TCF3: variants seen among roughly 807,000 people sequenced by gnomAD.
TCF3 encodes the protein transcription factor 3, also known as transcription factor E2-alpha.
In TCF3, 54 loss-of-function variants were observed where a neutral mutation model predicts 72.3. The observed-to-expected ratio is 0.75, with a 90% CI of 0.60 to 0.94. The LOEUF is 0.94. TCF3 is among the 40% of genes least tolerant of loss of function. The pLI, the probability that TCF3 is intolerant of heterozygous loss-of-function variation, is 0.00. For missense variants in TCF3, 1,078 were observed against 934.4 expected (o/e 1.15, Z -2.00); for synonymous variants, 525 against 412.6 (o/e 1.27, Z -3.30).
At position 1,624,146 on chromosome 19, in the gene TCF3, C is replaced by A. The variant is rs192272530; in HGVS notation, c.500-146G>T. The A allele has an allele frequency of 0.01, 7,298 of 727,176 alleles. 62 individuals are homozygous for A. The highest frequency in any genetic ancestry group is 0.013 in the Non-Finnish European group (5,768 of 436,920). 45.0% of individuals were successfully genotyped at this position (727,176 alleles called of 1,614,324 possible). Reference sequence around the variant, plus strand: ...GGTGCGGTGCCTCATGCCTGTAATACCAGGACTTTGGGAGGCCAAGGCAGG... The same window carrying A: ...GGTGCGGTGCCTCATGCCTGTAATAACAGGACTTTGGGAGGCCAAGGCAGG... On this transcript the variant is annotated intron_variant, in intron 7 of 18. Transcript: ENST00000262965.
intron 3 of TCF3, among the ~76,000 whole-genome samples, chr19:1,641,224 G>A (rs2065195841): frequency 6.6e-6 from 1 of 151,432 alleles, no homozygotes. Context: ...ACAGCCAACA[G>A]CTTGGCTGGA....
In TCF3 at chr19:1,621,797, G is replaced by C. The variant is rs755212807; in HGVS notation, c.955+41C>G. 2.0e-6 allele frequency: 3 copies of C among 1,532,002 alleles called. No homozygotes were observed. In the East Asian group the frequency reaches 7.1e-5, roughly 36 times the overall value. The allele number at this position is 1,532,002 out of a possible 1,614,324, so 94.9% of individuals were successfully genotyped here. A position where few individuals can be genotyped will look rare whatever the true frequency, so the allele number is the denominator to read the frequency against. On this transcript the variant is annotated intron_variant, in intron 11 of 18. Coordinates refer to ENST00000262965, the MANE Select transcript of TCF3 (RefSeq NM_003200.5). Reference sequence around the variant, plus strand: ...CCACCCAGACCCTGCCTGGAGCCCAGTGTCCCCTCGGAGAGGCCGCATCCC... The same window carrying C: ...CCACCCAGACCCTGCCTGGAGCCCACTGTCCCCTCGGAGAGGCCGCATCCC...
At position 1,621,521 on chromosome 19, in the gene TCF3, G is replaced by GCCTGGGTGGGTGAGTCCCTCTCTGAC. The variant is rs1448121214; in HGVS notation, c.955+291_955+316dup. Among the ~76,000 whole-genome samples the GCCTGGGTGGGTGAGTCCCTCTCTGAC allele has an allele frequency of 2.5e-3, 374 of 146,908 alleles. 56 individuals carry two copies. Among genetic ancestry groups the GCCTGGGTGGGTGAGTCCCTCTCTGAC allele is most frequent in the Admixed American group, 0.022 (306 of 13,714 alleles). On this transcript the variant is annotated intron_variant, in intron 11 of 18. Coordinates refer to ENST00000262965, the MANE Select transcript of TCF3 (RefSeq NM_003200.5). The stretch of plus-strand genomic sequence containing the variant: ...CCTGGGTGGGTGAGTCCCTCTCTGG[G>GCCTGGGTGGGTGAGTCCCTCTCTGAC]CCTGGGTGGGTGAGTCCCTCTCTGA...
chr19:1,617,253 G>A (rs1039517190), intron 16 of TCF3, among the ~76,000 whole-genome samples: 1 of 152,200 alleles, frequency 6.6e-6, no homozygotes, highest in Non-Finnish European at 1.5e-5. Flanking sequence ...GCAGGAAAGC[G>A]TGATGTTGGA....
chr19:1,610,859 C>A lies in TCF3; in HGVS notation c.*848G>T, dbSNP rs887337980. The stretch of plus-strand genomic sequence containing the variant: ...TTTCCACATGACAAAACCAAGAGAA[C>A]CCCCAACATCAAAAAAACAAAAGAC... On this transcript the variant is annotated 3_prime_UTR_variant, in exon 19 of 19. Transcript: ENST00000262965. 8.8e-6 allele frequency: 2 copies of A among 226,262 alleles called. No homozygotes were observed. The highest frequency in any genetic ancestry group is 2.2e-5 in the African/African-American group (1 of 44,458). The allele number at this position is 226,262 out of a possible 1,614,324, so 14.0% of individuals were successfully genotyped here.
intron 3 of TCF3, among the ~76,000 whole-genome samples, chr19:1,640,360 C>T (rs908316464): frequency 6.6e-5 from 10 of 151,638 alleles, no homozygotes; most frequent in African/African-American, 2.4e-4. Context: ...ACGGTGAAAC[C>T]CTGCCTCTAC....
Position 1,619,208 on chromosome 19 carries a change from G to A in TCF3, c.1353C>T (p.Gly451=). ...GCATGAGGCTGGTGCTGCCTGCGAG[G>A]CCGTCCTCGGGGTGGCTGCCTCCAA... ...GLVGGSHPED[G]LAGSTSLMHN... is the part of the protein sequence containing the mutation. Residue 451 remains glycine (G), a synonymous_variant, in exon 16 of 19, where the codon GGC becomes GGT. Coordinates refer to ENST00000262965, the MANE Select transcript of TCF3 (RefSeq NM_003200.5). 6.3e-7 allele frequency: 1 copy of A among 1,598,526 alleles called. No homozygotes were observed. The highest frequency in any genetic ancestry group is 8.5e-7 in the Non-Finnish European group (1 of 1,178,910).
intron 18 of TCF3, chr19:1,612,137 G>T: frequency 1.4e-6 from 2 of 1,441,866 alleles, no homozygotes; most frequent in South Asian, 1.4e-5. Context: ...AGCACAGGAG[G>T]ACCCCAGCAT....
chr19:1,634,471 G>A (rs1235371327), intron 3 of TCF3, among the ~76,000 whole-genome samples: 2 of 152,220 alleles, frequency 1.3e-5, no homozygotes, highest in Non-Finnish European at 2.9e-5. Flanking sequence ...CCCCAGGAGC[G>A]GCCCACCCCT....
intron 3 of TCF3, among the ~76,000 whole-genome samples, chr19:1,645,488 C>T (rs1374674458): frequency 3.3e-5 from 5 of 151,100 alleles, no homozygotes; most frequent in African/African-American, 1.2e-4. Flanking sequence ...CCCGCCCCGC[C>T]GGCCGGTCCC....
At position 1,619,145 on chromosome 19, in the gene TCF3, G is replaced by A. The variant is rs764608232; in HGVS notation, c.1416C>T (p.Leu472=). The change falls in exon 16 of 19, where the codon CTC becomes CTT. Residue 472 remains leucine (L), a synonymous_variant. Transcript: ENST00000262965. ...HAALPSQPGT[L]PDLSRPPDSY... is the part of the protein sequence containing the mutation. ...AGTCGGGAGGCCGAGACAGGTCAGG[G>A]AGGGTGCCTGGCTGGCTGGGGAGGG... 5 of 1,599,972 alleles carry A rather than the reference G, an allele frequency of 3.1e-6. No homozygotes were observed. Among genetic ancestry groups the A allele is most frequent in the African/African-American group, 1.3e-5 (1 of 74,916 alleles).
Position 1,634,436 on chromosome 19 carries a change from C to A in TCF3, c.146-2031G>T, listed in dbSNP as rs866733554. Among the ~76,000 whole-genome samples, 25 of 152,318 alleles carry A rather than the reference C, an allele frequency of 1.6e-4. No individual in the cohort carries two copies. The South Asian group carries it at 4.8e-3, about 29-fold the overall frequency. ...GCCTCGGGAGAGGCCTGCGAGTGGA[C>A]GGCGCAGGGGCGCTGGGGAGAGGGC... On this transcript the variant is annotated intron_variant, in intron 3 of 18. Transcript: ENST00000262965.
chr19:1,646,472 C>G (rs2066115387), intron 2 of TCF3, 45 bp from the exon 3 acceptor site: 1 of 1,523,044 alleles, frequency 6.6e-7, no homozygotes, highest in African/African-American at 1.4e-5. Flanking sequence ...GGTGGCAAAC[C>G]AAACCCTACA....
At chr19:1,643,032 C>G (rs919076931) in intron 3 of TCF3, among the ~76,000 whole-genome samples, 1 of 152,150 alleles carries the variant, frequency 6.6e-6, no homozygotes. Flanking sequence ...TGGTGTCTCC[C>G]GTGGCCTCAG....
intron 2 of TCF3, among the ~76,000 whole-genome samples, chr19:1,648,202 A>G (rs1296273557): frequency 6.6e-6 from 1 of 152,224 alleles, no homozygotes; most frequent in Non-Finnish European, 1.5e-5. Flanking sequence ...CATCTGGTCC[A>G]GGGAAGTAAG....
intron 3 of TCF3, among the ~76,000 whole-genome samples, chr19:1,645,778 C>T (rs1339017846): frequency 2.0e-5 from 3 of 152,210 alleles, no homozygotes; most frequent in African/African-American, 7.2e-5. Flanking sequence ...CCCGCTCATC[C>T]AGGTCAGCCT....
chr19:1,651,135 G>A (rs186548111), intron 1 of TCF3: 29 of 232,144 alleles, frequency 1.2e-4, no homozygotes, highest in African/African-American at 4.8e-4. Context: ...TGGGGGATGG[G>A]GGATCCACCT....
chr19:1,625,655 A>G lies in TCF3; in HGVS notation c.420T>C (p.Pro140=). 1 of 1,535,148 alleles carries G rather than the reference A, an allele frequency of 6.5e-7. No homozygotes were observed. The highest frequency in any genetic ancestry group is 2.2e-5 in the Admixed American group (1 of 44,632). Residue 140 remains proline, a synonymous_variant, in exon 7 of 19, where the codon CCT becomes CCC. Coordinates refer to ENST00000262965, the MANE Select transcript of TCF3 (RefSeq NM_003200.5). ...ACTGGGAGGTCCCCTTCATGCCCGA[A>G]GGGGACAGGGGCCCGGGGCTGTTGA... ...LALNSPGPLS[P]SGMKGTSQYY... is the part of the protein sequence containing the mutation.
chr19:1,647,927 G>A (rs943342106), intron 2 of TCF3, among the ~76,000 whole-genome samples: 1 of 152,162 alleles, frequency 6.6e-6, no homozygotes, highest in African/African-American at 2.4e-5. Flanking sequence ...TGGGAGTCTC[G>A]CACGCGGCAG....
Sources: allele counts gnomAD v4.1 joint callset (sites outside exome capture counted in the v4.1 genomes callset), GRCh38; gene constraint gnomAD v4.1.1; transcripts MANE v1.5; gene names NCBI Gene and HGNC (gene_info 2026-07-23, HGNC 2026-07-21).